RAB3C: variants seen among roughly 807,000 people sequenced by gnomAD.
RAB3C encodes RAB3C, member RAS oncogene family, also known as ras-related protein Rab-3C.
RAB3C carries 17 observed loss-of-function variants against 26.4 expected under a neutral mutation model. The observed-to-expected ratio is 0.64, with a 90% CI of 0.44 to 0.97. The LOEUF is 0.97. Ranked by LOEUF, RAB3C falls within the 50% of genes least tolerant of loss-of-function variation. The pLI, the probability that RAB3C is intolerant of heterozygous loss-of-function variation, is 0.00. For missense variants in RAB3C, 242 were observed against 281.9 expected (o/e 0.86, Z 1.01); for synonymous variants, 91 against 95.9 (o/e 0.95, Z 0.30).
chr5:58,782,473 T>C (rs1322470944), intron 3 of RAB3C, among the ~76,000 whole-genome samples: 1 of 152,310 alleles, frequency 6.6e-6, no homozygotes, highest in East Asian at 1.9e-4. Flanking sequence ...ATGTGAATAC[T>C]CATTATGCCC....
chr5:58,598,534 G>C (rs1281155741), intron 1 of RAB3C, among the ~76,000 whole-genome samples: 1 of 151,998 alleles, frequency 6.6e-6, no homozygotes, highest in Non-Finnish European at 1.5e-5. Context: ...TTGCTCTTAA[G>C]GATTTCATGA....
At chr5:58,708,590 T>A (rs1171066279) in intron 2 of RAB3C, among the ~76,000 whole-genome samples, 1 of 152,160 alleles carries the variant, frequency 6.6e-6, no homozygotes, top group East Asian at 1.9e-4. Context: ...TACCAAGCAA[T>A]TCAAGCAGTA....
chr5:58,596,887 A>T (rs1386060958), intron 1 of RAB3C, among the ~76,000 whole-genome samples: 4 of 97,766 alleles, frequency 4.1e-5, no homozygotes, highest in Non-Finnish European at 5.3e-5. Flanking sequence ...TATAATACAT[A>T]ATATATAATA....
chr5:58,752,472 G>GA (rs10611772), intron 3 of RAB3C, among the ~76,000 whole-genome samples: 21,397 of 144,768 alleles, frequency 0.15, 1,572 homozygotes, highest in East Asian at 0.25. Flanking sequence ...GTCAATGACA[G>GA]AAAAAAAAAA....
intron 2 of RAB3C, among the ~76,000 whole-genome samples, chr5:58,651,445 A>G (rs1324288829): frequency 6.6e-6 from 1 of 152,182 alleles, no homozygotes; most frequent in Non-Finnish European, 1.5e-5. Context: ...GGTGCACGAG[A>G]TAATACATTA....
chr5:58,656,914 A>G (rs1244734323), intron 2 of RAB3C, among the ~76,000 whole-genome samples: 1 of 152,234 alleles, frequency 6.6e-6, no homozygotes, highest in East Asian at 1.9e-4. Flanking sequence ...AAGTCATTAT[A>G]CCAAAAAGAT....
At chr5:58,628,867 T>C (rs1478387979) in intron 2 of RAB3C, among the ~76,000 whole-genome samples, 2 of 151,836 alleles carry the variant, frequency 1.3e-5, no homozygotes, top group Admixed American at 6.6e-5. Flanking sequence ...CTGACAAACA[T>C]GTTTCCTCCA....
chr5:58,586,076 C>T (rs552520927), intron 1 of RAB3C, among the ~76,000 whole-genome samples: 78 of 152,030 alleles, frequency 5.1e-4, no homozygotes, highest in African/African-American at 1.9e-3. Context: ...TTATCTAGTG[C>T]TTTACCTGTG....
At chr5:58,826,756 G>C (rs1579940802) in intron 4 of RAB3C, among the ~76,000 whole-genome samples, 1 of 152,140 alleles carries the variant, frequency 6.6e-6, no homozygotes, top group Non-Finnish European at 1.5e-5. Context: ...CCCAGAAGCA[G>C]TAATGTGTCT....
intron 3 of RAB3C, among the ~76,000 whole-genome samples, chr5:58,813,593 TATATATATATA>T (rs1206562111): frequency 1.9e-4 from 17 of 91,826 alleles, no homozygotes; most frequent in Admixed American, 3.1e-4. Flanking sequence ...TATTTATATT[TATATATATATA>T]TATATATATA....
At chr5:58,597,089 A>T (rs867431194) in intron 1 of RAB3C, among the ~76,000 whole-genome samples, 1 of 68,084 alleles carries the variant, frequency 1.5e-5, no homozygotes, top group Non-Finnish European at 2.6e-5. Context: ...AATATATAAT[A>T]CATAATATAT....
At chr5:58,745,070 T>C (rs1304879847) in intron 3 of RAB3C, among the ~76,000 whole-genome samples, 2 of 151,998 alleles carry the variant, frequency 1.3e-5, no homozygotes, top group East Asian at 3.9e-4. Flanking sequence ...CCTCTGATTT[T>C]TAAAGCCCCC....
At chr5:58,838,237 A>C (rs1268304808) in intron 4 of RAB3C, among the ~76,000 whole-genome samples, 1 of 151,938 alleles carries the variant, frequency 6.6e-6, no homozygotes, top group African/African-American at 2.4e-5. Flanking sequence ...AAAATTAGCC[A>C]GGCGTGGTGG....
intron 2 of RAB3C, among the ~76,000 whole-genome samples, chr5:58,688,260 G>A (rs1357601503): frequency 6.6e-6 from 1 of 152,062 alleles, no homozygotes; most frequent in Admixed American, 6.6e-5. Flanking sequence ...AAGCCTGGCT[G>A]GCTGAAGGTT....
intron 1 of RAB3C, among the ~76,000 whole-genome samples, chr5:58,616,916 C>G (rs942464310): frequency 6.6e-6 from 1 of 152,150 alleles, no homozygotes; most frequent in Non-Finnish European, 1.5e-5. Context: ...TGGCACCACA[C>G]TGCTTGTTTG....
At chr5:58,766,765 G>T (rs1331722665) in intron 3 of RAB3C, among the ~76,000 whole-genome samples, 3 of 152,152 alleles carry the variant, frequency 2.0e-5, no homozygotes, top group African/African-American at 4.8e-5. Context: ...ATAAAGGCAT[G>T]GTGCAGGGGC....
intron 2 of RAB3C, among the ~76,000 whole-genome samples, chr5:58,625,031 A>T (rs991604823): frequency 2.0e-5 from 3 of 152,198 alleles, no homozygotes; most frequent in Admixed American, 2.0e-4. Flanking sequence ...ACAAATGAGT[A>T]AACTGAGGCA....
intron 2 of RAB3C, among the ~76,000 whole-genome samples, chr5:58,676,501 G>A (rs932675442): frequency 6.6e-6 from 1 of 151,780 alleles, no homozygotes; most frequent in Non-Finnish European, 1.5e-5. Flanking sequence ...AGACTCTGTT[G>A]CCAAAAAAAA....
rs534992575 is a variant in RAB3C, at chr5:58,787,629, T to C, written c.372-37409T>C. On this transcript the variant is annotated intron_variant, in intron 3 of 4. Transcript: ENST00000282878. Reference sequence around the variant, plus strand: ...CCTACATACAGACCTTAGAGAGATATATCTGCCAGCCTCACTGGGCTGGGA... The same window carrying C: ...CCTACATACAGACCTTAGAGAGATACATCTGCCAGCCTCACTGGGCTGGGA... 6.6e-5 allele frequency among the ~76,000 whole-genome samples: 10 copies of C among 152,282 alleles called. 1 individual carries two copies. The highest frequency in any genetic ancestry group is 2.4e-4 in the African/African-American group (10 of 41,568).
Sources: allele counts gnomAD v4.1 joint callset (sites outside exome capture counted in the v4.1 genomes callset), GRCh38; gene constraint gnomAD v4.1.1; transcripts MANE v1.5; gene names NCBI Gene and HGNC (gene_info 2026-07-23, HGNC 2026-07-21).